Variants in NRXN2 observed in about 807,000 individuals in gnomAD.
NRXN2 encodes neurexin-2-beta.
A neutral mutation model predicts 128.8 loss-of-function variants in NRXN2; 29 were observed. That is an observed-to-expected ratio of 0.23 (90% CI 0.17 to 0.31). The LOEUF (loss-of-function observed/expected upper bound fraction) is 0.31. Among genes scored for constraint, NRXN2 ranks in the 10% least tolerant of loss-of-function variants. NRXN2 has a pLI of 1.00. For missense variants in NRXN2, 1,881 were observed against 2,452.6 expected, an observed-to-expected ratio of 0.77 and a Z score of 4.92; for synonymous variants, 1,098 against 1,075.2, an observed-to-expected ratio of 1.02 and a Z score of -0.41.
At chr11:64,721,183 G>A (rs2057423466) in intron 1 of NRXN2, among the ~76,000 whole-genome samples, 1 of 151,850 alleles carries the variant, frequency 6.6e-6, no homozygotes. Flanking sequence ...GTGCCACCGA[G>A]CGCGTGTATC....
chr11:64,658,077 AAGG>A (rs2048509748), intron 11 of NRXN2, among the ~76,000 whole-genome samples: 1 of 152,220 alleles, frequency 6.6e-6, no homozygotes, highest in Non-Finnish European at 1.5e-5. Context: ...TTTCCTGACC[AAGG>A]ACATTGTTTC....
chr11:64,698,125 G>A (rs1362218808), intron 2 of NRXN2, among the ~76,000 whole-genome samples: 2 of 152,194 alleles, frequency 1.3e-5, no homozygotes, highest in Non-Finnish European at 2.9e-5. Context: ...GGCAGGGCCA[G>A]GAGTGGCAGT....
rs1565169916 is a variant in NRXN2, at chr11:64,610,692, T to A, written c.4253-2610A>T. Reference sequence around the variant, plus strand: ...GACCTCTAGCCTTTGGATGAACAAATATGTCTTCCTGTACCCACCTGGGAT... The same window carrying A: ...GACCTCTAGCCTTTGGATGAACAAAAATGTCTTCCTGTACCCACCTGGGAT... On this transcript the variant is annotated intron_variant, in intron 22 of 22. Transcript: ENST00000265459. 4.6e-5 allele frequency among the ~76,000 whole-genome samples: 7 copies of A among 152,026 alleles called. No individual in the cohort carries two copies. The South Asian group carries it at 1.5e-3, about 32-fold the overall frequency.
intron 17 of NRXN2, among the ~76,000 whole-genome samples, chr11:64,646,103 G>A (rs891273221): frequency 8.5e-5 from 13 of 152,160 alleles, no homozygotes; most frequent in Non-Finnish European, 1.6e-4. Flanking sequence ...CTCCAGGGGC[G>A]GAGATCTCAG....
At chr11:64,669,464 A>C (rs2050339326) in intron 7 of NRXN2, among the ~76,000 whole-genome samples, 1 of 152,184 alleles carries the variant, frequency 6.6e-6, no homozygotes, top group Admixed American at 6.5e-5. Flanking sequence ...ACAGACGGGG[A>C]CAGGGCTAAC....
chr11:64,654,753 C>T (rs922647705), intron 11 of NRXN2, among the ~76,000 whole-genome samples: 1 of 152,212 alleles, frequency 6.6e-6, no homozygotes, highest in African/African-American at 2.4e-5. Context: ...CCATCAAACG[C>T]CAAGCCTGAC....
Position 64,667,797 on chromosome 11 carries a change from C to A in NRXN2, c.1360-109G>T, listed in dbSNP as rs2050095383. Reference sequence around the variant, plus strand: ...GGACCCAGCCACCCACCCCTGTAGCCCCTGCTCAGTTCCACCAGACCACCC... The same window carrying A: ...GGACCCAGCCACCCACCCCTGTAGCACCTGCTCAGTTCCACCAGACCACCC... On this transcript the variant is annotated intron_variant, in intron 8 of 22. Coordinates refer to ENST00000265459, the MANE Select transcript of NRXN2 (RefSeq NM_015080.4). This position sits in a 1 kb window ranked among gnomAD's most constrained non-coding sequence, Gnocchi z 5.6. The A allele has an allele frequency of 4.9e-6, 5 of 1,016,810 alleles. No homozygotes were observed. The highest frequency in any genetic ancestry group is 3.8e-5 in the Admixed American group (2 of 52,064). The allele number at this position is 1,016,810 out of a possible 1,614,324, so 63.0% of individuals were successfully genotyped here.
chr11:64,644,594 G>A (rs2046351303), intron 17 of NRXN2, among the ~76,000 whole-genome samples: 1 of 152,216 alleles, frequency 6.6e-6, no homozygotes, highest in Non-Finnish European at 1.5e-5. Context: ...TAAGCACAGA[G>A]AGACTCCTTT....
rs2135372913 is a variant in NRXN2, at chr11:64,631,116, TCC to T, written c.3586-545_3586-544del. ...CCACACCAGGGCATTAGCATGCCTC[TCC>T]TGGCAGCCTCTCAGGCCCAAAGTAG... On this transcript the variant is annotated intron_variant, in intron 18 of 22. Coordinates refer to ENST00000265459, the MANE Select transcript of NRXN2 (RefSeq NM_015080.4). This position sits in a 1 kb window ranked among gnomAD's most constrained non-coding sequence, Gnocchi z 4.8. Among the ~76,000 whole-genome samples, 1 of 152,314 alleles carries T rather than the reference TCC, an allele frequency of 6.6e-6. No individual in the cohort carries two copies. The highest frequency in any genetic ancestry group is 2.1e-4 in the South Asian group (1 of 4,834).
intron 8 of NRXN2, 48 bp downstream of exon 8, chr11:64,668,395 G>A (rs2050179576): frequency 6.2e-7 from 1 of 1,608,250 alleles, no homozygotes; most frequent in Non-Finnish European, 8.5e-7. Flanking sequence ...GAAGACAGGA[G>A]ACAAAGGGCT....
At chr11:64,637,903 C>A (rs1214002539) in intron 17 of NRXN2, among the ~76,000 whole-genome samples, 1 of 152,190 alleles carries the variant, frequency 6.6e-6, no homozygotes, top group Non-Finnish European at 1.5e-5. Context: ...AAATGCCCCA[C>A]TGGGCAGGCA....
intron 19 of NRXN2, among the ~76,000 whole-genome samples, chr11:64,627,014 G>C (rs2043156528): frequency 6.6e-6 from 1 of 152,148 alleles, no homozygotes; most frequent in East Asian, 1.9e-4. Flanking sequence ...GGAAGGATGG[G>C]TTAAGCGGGG....
chr11:64,641,501 T>A (rs2045660143), intron 17 of NRXN2, among the ~76,000 whole-genome samples: 1 of 150,466 alleles, frequency 6.6e-6, no homozygotes, highest in Admixed American at 6.6e-5. Context: ...TAGAAGGTAA[T>A]GGGGAGGACA....
At position 64,623,256 on chromosome 11, in the gene NRXN2, T is replaced by G. The variant is rs1446870819; in HGVS notation, c.3848-178A>C. 1 of 1,131,606 alleles carries G rather than the reference T, an allele frequency of 8.8e-7. No homozygotes were observed. Among genetic ancestry groups the G allele is most frequent in the Non-Finnish European group, 1.2e-6 (1 of 821,330 alleles). The allele number at this position is 1,131,606 out of a possible 1,614,324, so 70.1% of individuals were successfully genotyped here. On this transcript the variant is annotated intron_variant, in intron 20 of 22. Coordinates refer to ENST00000265459, the MANE Select transcript of NRXN2 (RefSeq NM_015080.4). This position sits in a 1 kb window ranked among gnomAD's most constrained non-coding sequence, Gnocchi z 4.9. Reference sequence around the variant, plus strand: ...CAGAAAGCCAAAGGGAAAGTCCTTGTCAGCCACAGCCCCTAGCCCAGCCAG... The same window carrying G: ...CAGAAAGCCAAAGGGAAAGTCCTTGGCAGCCACAGCCCCTAGCCCAGCCAG...
intron 11 of NRXN2, among the ~76,000 whole-genome samples, chr11:64,655,900 G>C (rs1289960856): frequency 6.6e-6 from 1 of 152,238 alleles, no homozygotes; most frequent in Non-Finnish European, 1.5e-5. Flanking sequence ...CTGTTAACTA[G>C]TGACCTGTGC....
At chr11:64,696,284 G>A (rs1365272212) in intron 3 of NRXN2, among the ~76,000 whole-genome samples, 1 of 151,250 alleles carries the variant, frequency 6.6e-6, no homozygotes, top group Non-Finnish European at 1.5e-5. Context: ...GGTAAACACT[G>A]ACACACGGAG....
chr11:64,709,163 G>A (rs1045012353), intron 2 of NRXN2, among the ~76,000 whole-genome samples: 1 of 140,904 alleles, frequency 7.1e-6, no homozygotes, highest in Non-Finnish European at 1.5e-5. Flanking sequence ...TCGCACTCCA[G>A]CCTAGGCACA....
At chr11:64,640,488 C>G (rs1029750281) in intron 17 of NRXN2, among the ~76,000 whole-genome samples, 2 of 151,976 alleles carry the variant, frequency 1.3e-5, no homozygotes, top group African/African-American at 4.8e-5. Context: ...TTGGGGGCAA[C>G]ACTGGGCCTC....
At chr11:64,658,213 GCA>G (rs1325746909) in intron 11 of NRXN2, among the ~76,000 whole-genome samples, 4 of 152,228 alleles carry the variant, frequency 2.6e-5, no homozygotes, top group Non-Finnish European at 4.4e-5. Flanking sequence ...TCCCCAGCAA[GCA>G]CAGAGACATG....
Sources: allele counts gnomAD v4.1 joint callset (sites outside exome capture counted in the v4.1 genomes callset), GRCh38; gene constraint gnomAD v4.1.1; non-coding constraint Gnocchi (gnomAD v3.1); transcripts MANE v1.5; gene names NCBI Gene and HGNC (gene_info 2026-07-23, HGNC 2026-07-21).